Variants in IRAG1 observed in about 807,000 individuals in gnomAD.
IRAG1 encodes the protein IP3R-associated cGMP kinase substrate.
A neutral mutation model predicts 106.2 loss-of-function variants in IRAG1; 62 were observed. That is an observed-to-expected ratio of 0.58 (90% CI 0.48 to 0.72). The LOEUF (loss-of-function observed/expected upper bound fraction) is 0.72. Among genes scored for constraint, IRAG1 ranks in the 30% least tolerant of loss-of-function variants. The pLI is 0.00. For missense variants in IRAG1, 1,064 were observed against 1,140.7 expected (o/e 0.93, Z 0.97); for synonymous variants, 462 against 443.9 (o/e 1.04, Z -0.51).
intron 2 of IRAG1, among the ~76,000 whole-genome samples, chr11:10,646,497 C>A (rs1043598836): frequency 1.3e-5 from 2 of 152,124 alleles, no homozygotes; most frequent in African/African-American, 4.8e-5. Context: ...TATTTCTGAG[C>A]CAAAACAGGA....
At chr11:10,583,175 T>C (rs1183512632) in intron 18 of IRAG1, among the ~76,000 whole-genome samples, 2 of 152,168 alleles carry the variant, frequency 1.3e-5, no homozygotes, top group African/African-American at 2.4e-5. Flanking sequence ...GCTGGAGATA[T>C]TCATTTGGTG....
In IRAG1 at chr11:10,650,030, A is replaced by G. The variant is rs374187448; in HGVS notation, c.225+1995T>C. On this transcript the variant is annotated intron_variant, in intron 2 of 20. Coordinates refer to ENST00000423302, the MANE Select transcript of IRAG1 (RefSeq NM_130385.4). ...ATGAGGGAAGAATGCATGAGTGAAC[A>G]TTATTTTTACAAATGGGTAGATTCT... is the stretch of plus-strand genomic sequence containing the variant. 2.6e-5 allele frequency among the ~76,000 whole-genome samples: 4 copies of G among 152,368 alleles called. No homozygotes were observed. The East Asian group carries it at 7.7e-4, about 29-fold the overall frequency.
chr11:10,634,944 T>C (rs905734003), intron 2 of IRAG1, among the ~76,000 whole-genome samples: 1 of 152,194 alleles, frequency 6.6e-6, no homozygotes, highest in Non-Finnish European at 1.5e-5. Flanking sequence ...GTTTCTCCTT[T>C]ATTCCCCAGC....
chr11:10,603,754 C>A (rs2134342063), intron 13 of IRAG1, among the ~76,000 whole-genome samples: 1 of 151,558 alleles, frequency 6.6e-6, no homozygotes, highest in Non-Finnish European at 1.5e-5. Flanking sequence ...GAGAGTGGAG[C>A]CCCACGAATG....
At chr11:10,588,772 C>T (rs910163946) in intron 18 of IRAG1, among the ~76,000 whole-genome samples, 2 of 152,184 alleles carry the variant, frequency 1.3e-5, no homozygotes, top group Non-Finnish European at 2.9e-5. Flanking sequence ...CACTTCCTTA[C>T]GATCCCACCC....
In IRAG1 at chr11:10,606,768, G is replaced by A. The variant is rs1443504468; in HGVS notation, c.1576C>T (p.Pro526Ser). ...TCAACTTCCTTTTCAGTGAGTGGAGGGGCACTGTGAAAAAGAAAACACACA... is the reference window on the plus strand; with the variant it reads ...TCAACTTCCTTTTCAGTGAGTGGAGAGGCACTGTGAAAAAGAAAACACACA... ...RVHRSLPGSA[P>S]PLTEKEVENV... Residue 526 changes from proline (P) to serine (S), a missense_variant, in exon 12 of 21, where the codon CCT becomes TCT. By Grantham distance (74) the Pro-to-Ser change is moderately conservative. Coordinates refer to ENST00000423302, the MANE Select transcript of IRAG1 (RefSeq NM_130385.4). 3 of 1,588,590 alleles carry A rather than the reference G, an allele frequency of 1.9e-6. No individual in the cohort carries two copies. The highest frequency in any genetic ancestry group is 2.6e-6 in the Non-Finnish European group (3 of 1,166,636).
At chr11:10,606,829 G>A (rs1733994935) in intron 11 of IRAG1, 57 bp from the exon 12 acceptor site, 1 of 1,498,102 alleles carries the variant, frequency 6.7e-7, no homozygotes, top group Admixed American at 2.3e-5. Flanking sequence ...TAGACCCAAA[G>A]GTGACTCTGA....
chr11:10,680,594 TA>T (rs1363899931), intron 1 of IRAG1, among the ~76,000 whole-genome samples: 1 of 151,814 alleles, frequency 6.6e-6, no homozygotes, highest in Non-Finnish European at 1.5e-5. Flanking sequence ...AGAAATGCCC[TA>T]AACCCTCTTA....
At chr11:10,680,074 G>A (rs543971153) in intron 1 of IRAG1, among the ~76,000 whole-genome samples, 6 of 151,988 alleles carry the variant, frequency 3.9e-5, no homozygotes, top group African/African-American at 1.4e-4. Context: ...AGGGGTTTGA[G>A]ACTGGCCTGG....
intron 1 of IRAG1, among the ~76,000 whole-genome samples, chr11:10,671,101 C>G (rs1407025630): frequency 1.1e-4 from 17 of 152,118 alleles, no homozygotes; most frequent in Admixed American, 5.2e-4. Flanking sequence ...TAGTATTTTT[C>G]CAGGCTAACC....
chr11:10,604,901 T>C (rs1854348689), intron 12 of IRAG1, among the ~76,000 whole-genome samples: 1 of 152,258 alleles, frequency 6.6e-6, no homozygotes, highest in Admixed American at 6.5e-5. Flanking sequence ...CATCTGGATT[T>C]ATGCTGGGAT....
At chr11:10,642,863 C>A (rs1857620112) in intron 2 of IRAG1, among the ~76,000 whole-genome samples, 1 of 152,018 alleles carries the variant, frequency 6.6e-6, no homozygotes, top group Admixed American at 6.5e-5. Context: ...GCTCTTACAA[C>A]AGGATAAAAG....
At chr11:10,646,749 G>A (rs1203905234) in intron 2 of IRAG1, among the ~76,000 whole-genome samples, 8 of 152,122 alleles carry the variant, frequency 5.3e-5, no homozygotes, top group Admixed American at 4.6e-4. Flanking sequence ...GAGCATCAAC[G>A]AATGAAACAC....
intron 1 of IRAG1, among the ~76,000 whole-genome samples, chr11:10,675,023 G>A (rs547537838): frequency 1.2e-4 from 19 of 152,222 alleles, no homozygotes; most frequent in Non-Finnish European, 2.2e-4. Context: ...AGAGTGACCC[G>A]GAGCAGGAAG....
chr11:10,623,646 G>T (rs1230056761), intron 10 of IRAG1, 132 bp downstream of exon 10: 2 of 843,066 alleles, frequency 2.4e-6, no homozygotes, highest in African/African-American at 3.3e-5. Context: ...GACACAATCG[G>T]ATTCATTCAT....
chr11:10,633,088 T>C (rs1385978871), intron 3 of IRAG1, among the ~76,000 whole-genome samples: 4 of 150,180 alleles, frequency 2.7e-5, no homozygotes, highest in African/African-American at 9.8e-5. Flanking sequence ...TTTTTTTTTT[T>C]TTTTGAGACG....
At position 10,574,988 on chromosome 11, in the gene IRAG1, A is replaced by G. The variant is rs961648312; in HGVS notation, c.*1344T>C. 2 of 152,090 alleles carry G rather than the reference A, an allele frequency of 1.3e-5. No homozygotes were observed. The highest frequency in any genetic ancestry group is 2.4e-5 in the African/African-American group (1 of 41,410). 9.4% of individuals were successfully genotyped at this position (152,090 alleles called of 1,614,324 possible). On this transcript the variant is annotated 3_prime_UTR_variant, in exon 21 of 21. Transcript: ENST00000423302. The stretch of plus-strand genomic sequence containing the variant: ...TCAGGACTTAAATGAATTCATACCT[A>G]TGTAATACTGAGAACAGTGCTTGGC...
At chr11:10,619,616 T>C (rs1333349091) in intron 10 of IRAG1, among the ~76,000 whole-genome samples, 2 of 152,208 alleles carry the variant, frequency 1.3e-5, no homozygotes, top group Non-Finnish European at 2.9e-5. Flanking sequence ...AAGATAGAGT[T>C]CTACAACCTA....
At chr11:10,580,720 A>G in intron 19 of IRAG1, 131 bp from the exon 20 acceptor site, 1 of 1,133,670 alleles carries the variant, frequency 8.8e-7, no homozygotes, top group Non-Finnish European at 1.2e-6. Flanking sequence ...ACAAAACAGG[A>G]AAAAGCTGGG....
Sources: allele counts gnomAD v4.1 joint callset (sites outside exome capture counted in the v4.1 genomes callset), GRCh38; gene constraint gnomAD v4.1.1; transcripts MANE v1.5; gene names NCBI Gene and HGNC (gene_info 2026-07-23, HGNC 2026-07-21).